The following CDK7 variants were observed in gnomAD, a reference collection of about 807,000 sequenced individuals.
CDK7 encodes cyclin dependent kinase 7.
CDK7 carries 25 observed loss-of-function variants against 49.1 expected under a neutral mutation model. The ratio of observed to expected loss-of-function variants is 0.51; its 90% CI spans 0.37 to 0.71. The LOEUF (loss-of-function observed/expected upper bound fraction) is 0.71. Among genes scored for constraint, CDK7 ranks in the 30% least tolerant of loss-of-function variants. The probability of loss-of-function intolerance (pLI) is 0.00; values close to 1 mark genes in which losing one functional copy is unlikely to be tolerated. For synonymous variants in CDK7, 107 were observed against 140.0 expected, an observed-to-expected ratio of 0.76 and a Z score of 1.67; for missense variants, 316 against 411.7, an observed-to-expected ratio of 0.77 and a Z score of 2.01.
At chr5:69,240,370 T>C (rs1749284110) in intron 2 of CDK7, among the ~76,000 whole-genome samples, 2 of 152,318 alleles carry the variant, frequency 1.3e-5, no homozygotes, top group South Asian at 4.1e-4. Context: ...TTGTTAATTT[T>C]GTTAGGTGTC....
chr5:69,255,488 A>T lies in CDK7; in HGVS notation c.257A>T (p.Asn86Ile). 6.3e-7 allele frequency: 1 copy of T among 1,586,576 alleles called. No individual in the cohort carries two copies. Among genetic ancestry groups the T allele is most frequent in the East Asian group, 2.2e-5 (1 of 44,458 alleles). Residue 86 changes from asparagine (N) to isoleucine (I), a missense_variant, in exon 5 of 12, where the codon AAT (asparagine) becomes ATT (isoleucine). By Grantham distance (149) the Asn-to-Ile change is moderately radical. Coordinates refer to ENST00000256443, the MANE Select transcript of CDK7 (RefSeq NM_001799.4). ...CTTGATGCTTTTGGACATAAATCTA[A>T]TATTAGCCTTGTCTTTGATTTTATG... is the stretch of plus-strand genomic sequence containing the variant. ...GLLDAFGHKS[N>I]ISLVFDFMET...
Position 69,258,334 on chromosome 5 carries a change from ATTAC to A in CDK7, c.408+184_408+187del, listed in dbSNP as rs899906892. Among the ~76,000 whole-genome samples the A allele has an allele frequency of 5.8e-4, 86 of 148,142 alleles. 1 individual carries two copies. The highest frequency in any genetic ancestry group is 2.1e-3 in the African/African-American group (84 of 40,156). On this transcript the variant is annotated intron_variant, in intron 6 of 11. Coordinates refer to ENST00000256443, the MANE Select transcript of CDK7 (RefSeq NM_001799.4). ...GCAGTTGGTGCTGTAAGGACTCCATATTACTTTGTGAAATTTAGAACTGGAAGAG... is the reference window on the plus strand; with the variant it reads ...GCAGTTGGTGCTGTAAGGACTCCATATTTGTGAAATTTAGAACTGGAAGAG...
At chr5:69,269,917 G>A (rs1383929361) in intron 9 of CDK7, among the ~76,000 whole-genome samples, 1 of 149,310 alleles carries the variant, frequency 6.7e-6, no homozygotes, top group African/African-American at 2.5e-5. Context: ...GCTTACTGAT[G>A]TTTCTCTTTG....
In CDK7 at chr5:69,235,385, TC is replaced by T. The variant is rs1366927817; in HGVS notation, c.67-8del. 2.5e-6 allele frequency: 4 copies of T among 1,580,474 alleles called. No individual in the cohort carries two copies. In the Admixed American group the frequency reaches 6.7e-5, roughly 26 times the overall value. ...CATAAACTTATGTTATTTCTATTTTTCTTTCTAGTTTGCCACCGTTTACAAG... is the reference window on the plus strand; with the variant it reads ...CATAAACTTATGTTATTTCTATTTTTTTTCTAGTTTGCCACCGTTTACAAG... On this transcript the variant is annotated splice_region_variant and splice_polypyrimidine_tract_variant and intron_variant, in intron 1 of 11. Transcript: ENST00000256443.
rs1459742175 is a variant in CDK7 at position 69,235,458 on chromosome 5, G to A, written c.126+5G>A. On this transcript the variant is annotated splice_donor_5th_base_variant and intron_variant, in intron 2 of 11. Coordinates refer to ENST00000256443, the MANE Select transcript of CDK7 (RefSeq NM_001799.4). ...CAAATTGTCGCCATTAAGAAAGTGA[G>A]TTACCTTTTTATGTTGTTTTTAAGT... is the stretch of plus-strand genomic sequence containing the variant. 1 of 1,587,936 alleles carries A rather than the reference G, an allele frequency of 6.3e-7. No homozygotes were observed. The highest frequency in any genetic ancestry group is 8.6e-7 in the Non-Finnish European group (1 of 1,156,680).
chr5:69,256,789 C>G (rs1750519776), intron 5 of CDK7, among the ~76,000 whole-genome samples: 1 of 151,792 alleles, frequency 6.6e-6, no homozygotes, highest in Non-Finnish European at 1.5e-5. Flanking sequence ...AGGCTATGGA[C>G]TCACCACTAG....
chr5:69,239,789 G>C (rs2930951), intron 2 of CDK7, among the ~76,000 whole-genome samples: 91,574 of 151,662 alleles, frequency 0.6, 28,160 homozygotes, highest in African/African-American at 0.72. Context: ...TTCTGTACTT[G>C]TAAAATTTTT....
chr5:69,248,340 C>CT (rs552110373), intron 2 of CDK7, among the ~76,000 whole-genome samples: 22 of 152,000 alleles, frequency 1.4e-4, no homozygotes, highest in Non-Finnish European at 2.4e-4. Context: ...TTACTGGTTT[C>CT]TTTTTTCTTC....
At chr5:69,273,080 A>G (rs1436603199) in intron 10 of CDK7, 39 bp downstream of exon 10, 2 of 1,358,766 alleles carry the variant, frequency 1.5e-6, no homozygotes, top group African/African-American at 2.9e-5. Context: ...GAAATATAAA[A>G]ATAATCTTAA....
intron 2 of CDK7, among the ~76,000 whole-genome samples, chr5:69,244,493 A>G (rs1441671907): frequency 6.6e-6 from 1 of 152,080 alleles, no homozygotes; most frequent in Non-Finnish European, 1.5e-5. Context: ...AAAATTAGCC[A>G]GGCATGATGG....
chr5:69,255,491 T>C lies in CDK7; in HGVS notation c.260T>C (p.Ile87Thr). ...GATGCTTTTGGACATAAATCTAATA[T>C]TAGCCTTGTCTTTGATTTTATGGAA... Reference protein sequence around the residue: ...LLDAFGHKSNISLVFDFMETD... With the variant: ...LLDAFGHKSNTSLVFDFMETD... The change falls in exon 5 of 12, where the codon ATT becomes ACT. Residue 87 changes from isoleucine (I) to threonine (T), a missense_variant. Ile to Thr is a moderately conservative substitution (Grantham distance 89). Coordinates refer to ENST00000256443, the MANE Select transcript of CDK7 (RefSeq NM_001799.4). 1 of 1,587,934 alleles carries C rather than the reference T, an allele frequency of 6.3e-7. No homozygotes were observed. The highest frequency in any genetic ancestry group is 8.6e-7 in the Non-Finnish European group (1 of 1,166,302).
At position 69,276,525 on chromosome 5, in the gene CDK7, T is replaced by C. The variant is rs776345726; in HGVS notation, c.865-18T>C. On this transcript the variant is annotated intron_variant, in intron 10 of 11. Transcript: ENST00000256443. ...AGATACTCACCTACCTTACTTTTGGTATCTTTTCTTTTAAAAGGCACTGAA... is the reference window on the plus strand; with the variant it reads ...AGATACTCACCTACCTTACTTTTGGCATCTTTTCTTTTAAAAGGCACTGAA... 10 of 1,611,056 alleles carry C rather than the reference T, an allele frequency of 6.2e-6. No individual in the cohort carries two copies. The highest frequency in any genetic ancestry group is 2.5e-6 in the Non-Finnish European group (3 of 1,179,060).
chr5:69,255,718 G>A (rs781195154), intron 5 of CDK7, 190 bp downstream of exon 5: 1 of 596,982 alleles, frequency 1.7e-6, no homozygotes, highest in Non-Finnish European at 3.0e-6. Flanking sequence ...TATCCCCAGT[G>A]TTACATACAA....
chr5:69,258,532 C>T (rs1188216569), intron 6 of CDK7, among the ~76,000 whole-genome samples: 2 of 151,984 alleles, frequency 1.3e-5, no homozygotes, highest in African/African-American at 4.8e-5. Flanking sequence ...AGGTGCCCGC[C>T]ACCACGCCCA....
At chr5:69,264,935 C>T (rs2150220872) in intron 8 of CDK7, among the ~76,000 whole-genome samples, 2 of 149,574 alleles carry the variant, frequency 1.3e-5, no homozygotes, top group South Asian at 4.2e-4. Context: ...CACACCATTG[C>T]ACTCCAGCCT....
At position 69,247,982 on chromosome 5, in the gene CDK7, A is replaced by G. The variant is rs191160278; in HGVS notation, c.127-4436A>G. ...GGATATGAGTAGTTTACATACCACAATTACAGTGTTATAATATTATGTGTT... is the reference window on the plus strand; with the variant it reads ...GGATATGAGTAGTTTACATACCACAGTTACAGTGTTATAATATTATGTGTT... On this transcript the variant is annotated intron_variant, in intron 2 of 11. Transcript: ENST00000256443. Among the ~76,000 whole-genome samples the G allele has an allele frequency of 6.9e-4, 105 of 152,328 alleles. 1 individual carries two copies. Among genetic ancestry groups the G allele is most frequent in the Admixed American group, 5.4e-3 (83 of 15,296 alleles).
At position 69,258,167 on chromosome 5, in the gene CDK7, T is replaced by C; in HGVS notation, c.408+14T>C. The C allele has an allele frequency of 8.0e-7, 1 of 1,247,992 alleles. No homozygotes were observed. Among genetic ancestry groups the C allele is most frequent in the Non-Finnish European group, 1.1e-6 (1 of 880,416 alleles). 77.3% of individuals were successfully genotyped at this position (1,247,992 alleles called of 1,614,324 possible). A position where few individuals can be genotyped will look rare whatever the true frequency, so the allele number is the denominator to read the frequency against. ...ATCCTACATAGGGTAAGGTTTTTAA[T>C]ATTGCTTCTTTATACTAGTCAAGTT... On this transcript the variant is annotated intron_variant, in intron 6 of 11. Coordinates refer to ENST00000256443, the MANE Select transcript of CDK7 (RefSeq NM_001799.4).
chr5:69,253,083 T>G (rs560621649), intron 3 of CDK7, among the ~76,000 whole-genome samples: 1 of 152,312 alleles, frequency 6.6e-6, no homozygotes, highest in East Asian at 1.9e-4. Context: ...AGTTTCTAAT[T>G]ACTTTGAAAA....
rs1051317258 is a variant in CDK7, at chr5:69,276,767, C to A, written c.1012+77C>A. ...AGCTCGTGTATGGCTAGCGACTGAA[C>A]AACAGCAAAGAAATGTAGCTTGCTA... On this transcript the variant is annotated intron_variant, in intron 11 of 11. Transcript: ENST00000256443. 3.2e-5 allele frequency: 39 copies of A among 1,225,614 alleles called. No individual in the cohort carries two copies. The African/African-American group carries it at 4.9e-4, about 15-fold the overall frequency. 75.9% of individuals were successfully genotyped at this position (1,225,614 alleles called of 1,614,324 possible). A position where few individuals can be genotyped will look rare whatever the true frequency, so the allele number is the denominator to read the frequency against.
Sources: gnomAD v4.1 joint callset for allele counts (sites outside exome capture counted in the v4.1 genomes callset) on GRCh38, gnomAD v4.1.1 for gene constraint, MANE v1.5 for transcripts, NCBI Gene and HGNC (gene_info 2026-07-23, HGNC 2026-07-21) for gene names.